The following GALNT1 variants were observed in gnomAD, a reference collection of about 807,000 sequenced individuals.
GALNT1 encodes the protein polypeptide N-acetylgalactosaminyltransferase 1.
A neutral mutation model predicts 65.7 loss-of-function variants in GALNT1; 17 were observed. The ratio of observed to expected loss-of-function variants is 0.26; its 90% CI spans 0.18 to 0.39. The LOEUF is 0.39. GALNT1 is among the 10% of genes least tolerant of loss of function. The pLI, the probability that GALNT1 is intolerant of heterozygous loss-of-function variation, is 1.00. For synonymous variants in GALNT1, 210 were observed against 219.7 expected, an observed-to-expected ratio of 0.96 and a Z score of 0.39; for missense variants, 460 against 672.8, an observed-to-expected ratio of 0.68 and a Z score of 3.50.
chr18:35,656,624 T>A (rs1422835763), intron 2 of GALNT1, among the ~76,000 whole-genome samples: 1 of 152,078 alleles, frequency 6.6e-6, no homozygotes, highest in Non-Finnish European at 1.5e-5. Flanking sequence ...GCACAGGAGG[T>A]GGCAGAGGCC....
At chr18:35,634,397 C>T (rs527926191) in intron 1 of GALNT1, among the ~76,000 whole-genome samples, 8 of 152,148 alleles carry the variant, frequency 5.3e-5, no homozygotes, top group Admixed American at 3.9e-4. Flanking sequence ...AAGACCCACC[C>T]GTAGGTTCAG....
At chr18:35,644,264 T>A (rs192403913) in intron 1 of GALNT1, among the ~76,000 whole-genome samples, 1 of 152,258 alleles carries the variant, frequency 6.6e-6, no homozygotes, top group African/African-American at 2.4e-5. Flanking sequence ...TAAATACTTA[T>A]GTTGAATAAG....
chr18:35,629,602 C>G (rs978244121), intron 1 of GALNT1, among the ~76,000 whole-genome samples: 1 of 152,174 alleles, frequency 6.6e-6, no homozygotes, highest in African/African-American at 2.4e-5. Flanking sequence ...GTACCAGCCA[C>G]TGCAAAAACA....
intron 1 of GALNT1, among the ~76,000 whole-genome samples, chr18:35,639,361 A>T (rs7231862): frequency 0.23 from 34,283 of 152,194 alleles, 4,362 homozygotes; most frequent in African/African-American, 0.34. Flanking sequence ...TGATTGGTAG[A>T]ATTTTTTAGC....
chr18:35,643,499 C>T (rs2047191651), intron 1 of GALNT1, among the ~76,000 whole-genome samples: 2 of 152,152 alleles, frequency 1.3e-5, no homozygotes, highest in South Asian at 4.2e-4. Flanking sequence ...CACGGTGGCT[C>T]ACGCCTGTAA....
intron 1 of GALNT1, among the ~76,000 whole-genome samples, chr18:35,601,743 C>T (rs533850388): frequency 3.3e-5 from 5 of 152,134 alleles, no homozygotes; most frequent in South Asian, 2.1e-4. Context: ...TTCCATGTGC[C>T]GATGAAAAGA....
chr18:35,692,394 AG>A, intron 9 of GALNT1, 74 bp downstream of exon 9: 1 of 963,314 alleles, frequency 1.0e-6, no homozygotes, highest in Non-Finnish European at 1.4e-6. Context: ...AATAGGAGTT[AG>A]TTAAACTTCC....
intron 1 of GALNT1, among the ~76,000 whole-genome samples, chr18:35,648,333 A>C (rs896992255): frequency 6.6e-6 from 1 of 152,190 alleles, no homozygotes; most frequent in Non-Finnish European, 1.5e-5. Context: ...TTGCACAACT[A>C]TATGCTAATG....
intron 1 of GALNT1, among the ~76,000 whole-genome samples, chr18:35,595,504 T>G (rs1217795237): frequency 6.6e-6 from 1 of 152,154 alleles, no homozygotes; most frequent in Non-Finnish European, 1.5e-5. Flanking sequence ...ATTGATTTGT[T>G]TAGTAACCAG....
At chr18:35,587,567 T>C (rs2046391937) in intron 1 of GALNT1, among the ~76,000 whole-genome samples, 1 of 152,214 alleles carries the variant, frequency 6.6e-6, no homozygotes. Context: ...GAGTGTTGAA[T>C]TTTATTGTGT....
At chr18:35,679,724 T>A (rs2047761286) in intron 4 of GALNT1, among the ~76,000 whole-genome samples, 1 of 150,634 alleles carries the variant, frequency 6.6e-6, no homozygotes, top group Non-Finnish European at 1.5e-5. Context: ...TTTTTGTGGT[T>A]ATAATTTGCA....
intron 1 of GALNT1, among the ~76,000 whole-genome samples, chr18:35,587,188 A>C (rs1347458369): frequency 6.6e-6 from 1 of 152,158 alleles, no homozygotes; most frequent in African/African-American, 2.4e-5. Flanking sequence ...ATTAACTTTC[A>C]TATGTTGATT....
At chr18:35,647,593 T>C (rs1000064653) in intron 1 of GALNT1, among the ~76,000 whole-genome samples, 2 of 152,172 alleles carry the variant, frequency 1.3e-5, no homozygotes, top group Non-Finnish European at 2.9e-5. Flanking sequence ...TAGCTGTTAA[T>C]TAAATAAATA....
chr18:35,587,399 G>A (rs79231441), intron 1 of GALNT1, among the ~76,000 whole-genome samples: 3,394 of 152,234 alleles, frequency 0.022, 128 homozygotes, highest in African/African-American at 0.076. Flanking sequence ...TGAATAAGAA[G>A]GGTGAGAAAG....
At chr18:35,629,609 A>G (rs1174902813) in intron 1 of GALNT1, among the ~76,000 whole-genome samples, 2 of 152,268 alleles carry the variant, frequency 1.3e-5, no homozygotes, top group East Asian at 3.9e-4. Context: ...CCACTGCAAA[A>G]ACATGCCAAA....
intron 3 of GALNT1, among the ~76,000 whole-genome samples, chr18:35,674,694 C>G (rs1175533635): frequency 6.6e-6 from 1 of 152,118 alleles, no homozygotes; most frequent in African/African-American, 2.4e-5. Flanking sequence ...TAGAAATTAG[C>G]ATAAACTGGC....
intron 1 of GALNT1, among the ~76,000 whole-genome samples, chr18:35,611,715 G>A (rs1351534597): frequency 6.6e-6 from 1 of 152,144 alleles, no homozygotes; most frequent in Non-Finnish European, 1.5e-5. Context: ...CTGGCCAGAG[G>A]CTGCCTAGAG....
intron 3 of GALNT1, among the ~76,000 whole-genome samples, chr18:35,674,279 C>T (rs538729111): frequency 8.5e-5 from 13 of 152,284 alleles, no homozygotes; most frequent in South Asian, 4.1e-4. Flanking sequence ...TAAGTAATTA[C>T]GCTAGTATGT....
At chr18:35,636,296 A>C (rs184159683) in intron 1 of GALNT1, among the ~76,000 whole-genome samples, 34 of 152,326 alleles carry the variant, frequency 2.2e-4, no homozygotes, top group Admixed American at 2.2e-3. Flanking sequence ...GAATGTCTTT[A>C]GTGAAGACTG....
Sources: allele counts gnomAD v4.1 joint callset (sites outside exome capture counted in the v4.1 genomes callset), GRCh38; gene constraint gnomAD v4.1.1; transcripts MANE v1.5; gene names NCBI Gene and HGNC (gene_info 2026-07-23, HGNC 2026-07-21).